Variants in TBX3 observed in about 807,000 individuals in gnomAD.
The protein encoded by TBX3 is T-box transcription factor 3.
Under a neutral mutation model 47.8 loss-of-function variants are expected in TBX3, and 11 were observed. The ratio of observed to expected loss-of-function variants is 0.23; its 90% CI spans 0.14 to 0.38. TBX3 has a LOEUF of 0.38. TBX3 is among the 10% of genes least tolerant of loss of function. The pLI is 1.00. For synonymous variants in TBX3, 500 were observed against 449.3 expected (o/e 1.11, Z -1.43); for missense variants, 927 against 1,022.8 (o/e 0.91, Z 1.28).
intron 5 of TBX3, 128 bp from the exon 6 acceptor site, chr12:114,674,963 C>T (rs909538390): frequency 3.3e-6 from 4 of 1,227,810 alleles, no homozygotes; most frequent in African/African-American, 1.5e-5. Flanking sequence ...GGGAAAGCCC[C>T]TTAGCCTCTC....
At chr12:114,680,097 A>G (rs900549615) in intron 2 of TBX3, 2 of 953,306 alleles carry the variant, frequency 2.1e-6, no homozygotes, top group African/African-American at 3.3e-5. Context: ...AGGAATATTT[A>G]TGCCTTAATC....
At chr12:114,676,899 G>A (rs2121390144) in intron 4 of TBX3, among the ~76,000 whole-genome samples, 1 of 152,326 alleles carries the variant, frequency 6.6e-6, no homozygotes, top group South Asian at 2.1e-4. Flanking sequence ...CCAAATTTTG[G>A]ATGGTGGCTA....
chr12:114,676,590 A>T, intron 4 of TBX3, 120 bp from the exon 5 acceptor site: 2 of 1,324,838 alleles, frequency 1.5e-6, no homozygotes, highest in East Asian at 4.7e-5. Context: ...CCCAGGGACA[A>T]CGCTAATTCA....
chr12:114,674,051 A>T, intron 6 of TBX3, 114 bp downstream of exon 6: 2 of 1,363,014 alleles, frequency 1.5e-6, no homozygotes, highest in Non-Finnish European at 2.0e-6. Flanking sequence ...ATGGCTCAGT[A>T]AAAATTATTA....
At position 114,674,777 on chromosome 12, in the gene TBX3, G is replaced by C. The variant is rs754002367; in HGVS notation, c.1098C>G (p.Gly366=). Residue 366 remains glycine, a synonymous_variant, in exon 6 of 7, where the codon GGC becomes GGG. Coordinates refer to ENST00000349155, the MANE Select transcript of TBX3 (RefSeq NM_005996.4). ...TCTTGGCCGCGTCGCAGGCCTCGGGGCCATGCTCCTCTTTGCTCTCGGCCT... is the reference window on the plus strand; with the variant it reads ...TCTTGGCCGCGTCGCAGGCCTCGGGCCCATGCTCCTCTTTGCTCTCGGCCT... ...DAEAESKEEH[G]PEACDAAKIS... is the part of the protein sequence containing the mutation. The C allele has an allele frequency of 4.4e-6, 7 of 1,586,612 alleles. No homozygotes were observed. In the Admixed American group the frequency reaches 5.3e-5, roughly 12 times the overall value.
rs1868716610 is a variant in TBX3 at position 114,676,444 on chromosome 12, C to A, written c.908G>T (p.Arg303Met). 1.2e-6 allele frequency: 2 copies of A among 1,614,238 alleles called. No homozygotes were observed. Among genetic ancestry groups the A allele is most frequent in the Non-Finnish European group, 1.7e-6 (2 of 1,180,044 alleles). Residue 303 changes from arginine (R) to methionine (M), a missense_variant, in exon 5 of 7, where the codon AGG (arginine) becomes ATG (methionine). By Grantham distance (91) the Arg-to-Met change is moderately conservative (BLOSUM62 -1). Coordinates refer to ENST00000349155, the MANE Select transcript of TBX3 (RefSeq NM_005996.4). ...CTTTTTGTGTCTTTCATCAAACACC[C>A]TCATGGACTGCAGGGTGAGCTGTTT... ...KRKQLTLQSM[R>M]VFDERHKKEN...
intron 4 of TBX3, 75 bp downstream of exon 4, chr12:114,677,505 T>G: frequency 6.9e-7 from 1 of 1,447,808 alleles, no homozygotes. Flanking sequence ...TGCATCTCAC[T>G]TCTAACACTT....
At position 114,684,071 on chromosome 12, in the gene TBX3, G is replaced by GGAGAGAGAGAGAGAGAGAGAGA; in HGVS notation, c.-893_-872dup. The stretch of plus-strand genomic sequence containing the variant: ...TGGAACAGAGGGAAAGAGAGGGAGG[G>GGAGAGAGAGAGAGAGAGAGAGA]GAGAGAGAGAGAGAGAGAGAGAGAC... On this transcript the variant is annotated 5_prime_UTR_variant, in exon 1 of 7. Coordinates refer to ENST00000349155, the MANE Select transcript of TBX3 (RefSeq NM_005996.4). 1 of 220,170 alleles carries GGAGAGAGAGAGAGAGAGAGAGA rather than the reference G, an allele frequency of 4.5e-6. No homozygotes were observed. The highest frequency in any genetic ancestry group is 8.9e-6 in the Non-Finnish European group (1 of 111,812). The allele number at this position is 220,170 out of a possible 1,614,324, so 13.6% of individuals were successfully genotyped here. A position where few individuals can be genotyped will look rare whatever the true frequency, so the allele number is the denominator to read the frequency against.
At chr12:114,680,698 C>T (rs138678867) in intron 2 of TBX3, 181 bp downstream of exon 2, 15 of 885,540 alleles carry the variant, frequency 1.7e-5, no homozygotes, top group Middle Eastern at 2.2e-4. Flanking sequence ...TCTTTTAGAA[C>T]GCCAGGCCTT....
In TBX3 at chr12:114,674,585, G is replaced by T; in HGVS notation, c.1290C>A (p.Gly430=). 1 of 1,588,684 alleles carries T rather than the reference G, an allele frequency of 6.3e-7. No homozygotes were observed. Among genetic ancestry groups the T allele is most frequent in the South Asian group, 1.1e-5 (1 of 88,422 alleles). ...GAACCGGGCTCCTGCGCTCCTCCGC[G>T]CCCAGGCCGCGAGTGCTGGACGAGA... is the stretch of plus-strand genomic sequence containing the variant. ...ATISSSTRGL[G]AEERRSPVRE... The change falls in exon 6 of 7, where the codon GGC becomes GGA. Residue 430 remains glycine (G), a synonymous_variant. Coordinates refer to ENST00000349155, the MANE Select transcript of TBX3 (RefSeq NM_005996.4).
chr12:114,672,445 TTTG>T (rs1565858482), intron 6 of TBX3, 143 bp from the exon 7 acceptor site: 4 of 476,138 alleles, frequency 8.4e-6, no homozygotes, highest in Non-Finnish European at 1.3e-5. Context: ...TGTTTTTTTT[TTTG>T]GGGGGGGAGA....
chr12:114,672,222 C>A lies in TBX3; in HGVS notation c.1791G>T (p.Ala597=). 1 of 1,573,964 alleles carries A rather than the reference C, an allele frequency of 6.4e-7. No individual in the cohort carries two copies. The highest frequency in any genetic ancestry group is 8.6e-7 in the Non-Finnish European group (1 of 1,160,694). Residue 597 remains alanine (A), a synonymous_variant, in exon 7 of 7, where the codon GCG becomes GCT. Transcript: ENST00000349155. ...GGCGGTGCACCGAGCTGGAGGCTGC[C>A]GCAGAGGAGGCGGCCGCCGCTGCGG... ...YMAAAAAASS[A]AASSSVHRHP...
Position 114,672,287 on chromosome 12 carries a change from G to C in TBX3, c.1726C>G (p.Pro576Ala). Reference sequence around the variant, plus strand: ...GGGTAAGGGAACAGGCTTCCGAAAGGGGACATGGCCAGGCCCTGGGGTGAG... The same window carrying C: ...GGGTAAGGGAACAGGCTTCCGAAAGCGGACATGGCCAGGCCCTGGGGTGAG... Reference protein sequence around the residue: ...VLASQGLAMSPFGSLFPYPYT... With the variant: ...VLASQGLAMSAFGSLFPYPYT... The change falls in exon 7 of 7, where the codon CCT (proline) becomes GCT (alanine). Residue 576 changes from proline to alanine, a missense_variant. Coordinates refer to ENST00000349155, the MANE Select transcript of TBX3 (RefSeq NM_005996.4). The C allele has an allele frequency of 1.3e-6, 2 of 1,566,598 alleles. No individual in the cohort carries two copies. Among genetic ancestry groups the C allele is most frequent in the Non-Finnish European group, 1.7e-6 (2 of 1,157,116 alleles).
Position 114,684,071 on chromosome 12 carries a change from G to GGAGAGAGAGAGAGAGA in TBX3, c.-887_-872dup, listed in dbSNP as rs57078153. The GGAGAGAGAGAGAGAGA allele has an allele frequency of 2.8e-4, 62 of 221,286 alleles. No homozygotes were observed. Among genetic ancestry groups the GGAGAGAGAGAGAGAGA allele is most frequent in the African/African-American group, 9.7e-4 (42 of 43,382 alleles). 13.7% of individuals were successfully genotyped at this position (221,286 alleles called of 1,614,324 possible). A position where few individuals can be genotyped will look rare whatever the true frequency, so the allele number is the denominator to read the frequency against. ...TGGAACAGAGGGAAAGAGAGGGAGG[G>GGAGAGAGAGAGAGAGA]GAGAGAGAGAGAGAGAGAGAGAGAC... is the stretch of plus-strand genomic sequence containing the variant. On this transcript the variant is annotated 5_prime_UTR_variant, in exon 1 of 7. Coordinates refer to ENST00000349155, the MANE Select transcript of TBX3 (RefSeq NM_005996.4).
Position 114,683,042 on chromosome 12 carries a change from C to T in TBX3, c.159G>A (p.Ala53=), listed in dbSNP as rs968339895. The change falls in exon 1 of 7, where the codon GCG becomes GCA. Residue 53 remains alanine (A), a synonymous_variant. Transcript: ENST00000349155. This position sits in a 1 kb window ranked among gnomAD's most constrained non-coding sequence, Gnocchi z 7.7. ...TGGCCAGGGCGCCCGGCAGCGAGAG[C>T]GCCGCCGCGCCGTTGGGAGGCAGCG... The part of the protein sequence containing the change: ...ALTLPPNGAA[A]LSLPGALAKP... 6.2e-7 allele frequency: 1 copy of T among 1,607,138 alleles called. No homozygotes were observed. The highest frequency in any genetic ancestry group is 1.3e-5 in the African/African-American group (1 of 74,718).
rs1565857429 is a variant in TBX3 at position 114,670,960 on chromosome 12, AT to A, written c.*880del. 2 of 210,616 alleles carry A rather than the reference AT, an allele frequency of 9.5e-6. No individual in the cohort carries two copies. The highest frequency in any genetic ancestry group is 2.3e-5 in the African/African-American group (1 of 44,196). 13.0% of individuals were successfully genotyped at this position (210,616 alleles called of 1,614,324 possible). On this transcript the variant is annotated 3_prime_UTR_variant, in exon 7 of 7. Transcript: ENST00000349155. Reference sequence around the variant, plus strand: ...TGTCTAATAGTCTCACTTCTTTATTATTTTTTTAAAACCTTGTTATTGCATA... The same window carrying A: ...TGTCTAATAGTCTCACTTCTTTATTATTTTTTAAAACCTTGTTATTGCATA...
chr12:114,679,065 AG>A (rs748532012), intron 3 of TBX3, among the ~76,000 whole-genome samples: 83 of 152,166 alleles, frequency 5.5e-4, no homozygotes, highest in Non-Finnish European at 9.8e-4. Context: ...ATTTCTGGCT[AG>A]GGGAGAAAAG....
At chr12:114,673,096 G>A (rs1054889166) in intron 6 of TBX3, among the ~76,000 whole-genome samples, 4 of 152,340 alleles carry the variant, frequency 2.6e-5, no homozygotes, top group Admixed American at 1.3e-4. Context: ...GCCTTGAGGT[G>A]CCCTTAAGGT....
chr12:114,676,610 G>T, intron 4 of TBX3, 140 bp from the exon 5 acceptor site: 1 of 1,187,208 alleles, frequency 8.4e-7, no homozygotes, highest in Non-Finnish European at 1.2e-6. Flanking sequence ...ACTGAAATCT[G>T]CTTGCCCCAG....
Sources: allele counts gnomAD v4.1 joint callset (sites outside exome capture counted in the v4.1 genomes callset), GRCh38; gene constraint gnomAD v4.1.1; non-coding constraint Gnocchi (gnomAD v3.1); transcripts MANE v1.5; gene names NCBI Gene and HGNC (gene_info 2026-07-23, HGNC 2026-07-21).